TPR: variants seen among roughly 807,000 people sequenced by gnomAD.
TPR encodes the protein nucleoprotein TPR.
In TPR, 51 loss-of-function variants were observed where a neutral mutation model predicts 316.1. The ratio of observed to expected loss-of-function variants is 0.16; its 90% CI spans 0.13 to 0.20. The LOEUF is 0.20. Among genes scored for constraint, TPR ranks in the 10% least tolerant of loss-of-function variants. The probability of loss-of-function intolerance (pLI) is 1.00; values close to 1 mark genes in which losing one functional copy is unlikely to be tolerated. For synonymous variants in TPR, 981 were observed against 914.7 expected, an observed-to-expected ratio of 1.07 and a Z score of -1.31; for missense variants, 2,272 against 2,754.8, an observed-to-expected ratio of 0.82 and a Z score of 3.92.
At position 186,311,875 on chromosome 1, in the gene TPR, A is replaced by T; in HGVS notation, c.*2096T>A. ...TGCATGTCATCCTTGCACAAGGGCC[A>T]TGCTAATCTCTGTATCATTCCAGTT... On this transcript the variant is annotated 3_prime_UTR_variant, in exon 51 of 51. Transcript: ENST00000367478. 1.8e-6 allele frequency: 1 copy of T among 556,624 alleles called. No individual in the cohort carries two copies. The highest frequency in any genetic ancestry group is 2.1e-5 in the South Asian group (1 of 46,694). 34.5% of individuals were successfully genotyped at this position (556,624 alleles called of 1,614,324 possible).
chr1:186,349,715 A>G (rs925305013), intron 21 of TPR, among the ~76,000 whole-genome samples: 3 of 151,904 alleles, frequency 2.0e-5, no homozygotes, highest in Non-Finnish European at 4.4e-5. Context: ...GATTATCAAG[A>G]CACAAAGGCT....
intron 2 of TPR, among the ~76,000 whole-genome samples, chr1:186,372,592 T>C (rs892784579): frequency 6.6e-6 from 1 of 151,856 alleles, no homozygotes; most frequent in Non-Finnish European, 1.5e-5. Context: ...AGATCTTTCC[T>C]AATGTTCTGA....
At chr1:186,345,407 T>C (rs962243971) in intron 24 of TPR, among the ~76,000 whole-genome samples, 173 bp downstream of exon 24, 7 of 152,214 alleles carry the variant, frequency 4.6e-5, no homozygotes, top group African/African-American at 1.7e-4. Flanking sequence ...TTGCCCTATG[T>C]ATTTATTTTT....
At chr1:186,345,825 T>C (rs560180889) in intron 23 of TPR, 129 bp from the exon 24 acceptor site, 1 of 686,640 alleles carries the variant, frequency 1.5e-6, no homozygotes, top group Admixed American at 2.9e-5. Flanking sequence ...TGCTGCTAAA[T>C]TTAAAATGTT....
At position 186,332,248 on chromosome 1, in the gene TPR, C is replaced by T. The variant is rs1174212120; in HGVS notation, c.5551G>A (p.Val1851Met). The change falls in exon 38 of 51, where the codon GTG becomes ATG. Residue 1851 changes from valine (V) to methionine (M), a missense_variant. Physicochemically the swap from Val to Met is conservative, Grantham distance 21. Around this residue, in one of 10 missense-constraint regions of TPR, gnomAD observed 435 missense variants for 461.1 expected, o/e 0.94. Transcript: ENST00000367478. ...AACTTCTTTGGAAGAGGCATTTCCA[C>T]TGTATCATCAGAGACTTGGTCTGAT... The part of the protein sequence containing the change: ...EASDQVSDDT[V>M]EMPLPKKLKS... The T allele has an allele frequency of 1.2e-6, 2 of 1,612,634 alleles. No homozygotes were observed. Among genetic ancestry groups the T allele is most frequent in the African/African-American group, 1.3e-5 (1 of 74,994 alleles).
chr1:186,363,239 A>T, intron 5 of TPR, 103 bp downstream of exon 5: 1 of 1,088,068 alleles, frequency 9.2e-7, no homozygotes, highest in Non-Finnish European at 1.3e-6. Context: ...AAACAAAACA[A>T]AATGCAGCTT....
chr1:186,359,647 G>C (rs1659123579), intron 12 of TPR, 152 bp downstream of exon 12: 4 of 687,554 alleles, frequency 5.8e-6, no homozygotes, highest in Non-Finnish European at 9.0e-6. Context: ...ATGACGTTTT[G>C]AGATCAGCAG....
chr1:186,350,441 G>A (rs1387406154), intron 20 of TPR, 53 bp from the exon 21 acceptor site: 1 of 1,316,932 alleles, frequency 7.6e-7, no homozygotes, highest in South Asian at 1.6e-5. Context: ...GTAACTAAAG[G>A]TTCAAACTAT....
At chr1:186,346,778 T>C (rs1018014122) in intron 22 of TPR, among the ~76,000 whole-genome samples, 1 of 152,304 alleles carries the variant, frequency 6.6e-6, no homozygotes, top group Admixed American at 6.5e-5. Context: ...AAAAAATCAA[T>C]GGCTCTTAAT....
intron 43 of TPR, 56 bp from the exon 44 acceptor site, chr1:186,322,642 A>C: frequency 6.5e-7 from 1 of 1,541,750 alleles, no homozygotes; most frequent in Non-Finnish European, 9.0e-7. Flanking sequence ...CAATGAAACA[A>C]ACACCAAATA....
At position 186,334,176 on chromosome 1, in the gene TPR, G is replaced by A. The variant is rs1356657559; in HGVS notation, c.5182+149C>T. The A allele has an allele frequency of 8.6e-6, 7 of 817,836 alleles. 1 individual carries two copies. Among genetic ancestry groups the A allele is most frequent in the Non-Finnish European group, 1.2e-5 (7 of 560,182 alleles). 50.7% of individuals were successfully genotyped at this position (817,836 alleles called of 1,614,324 possible). On this transcript the variant is annotated intron_variant, in intron 36 of 50. Transcript: ENST00000367478. Reference sequence around the variant, plus strand: ...ATTACAAGTGAAAATTTTGGTCCTAGAAGTATGTCCTTCAAATATTAAACA... The same window carrying A: ...ATTACAAGTGAAAATTTTGGTCCTAAAAGTATGTCCTTCAAATATTAAACA...
chr1:186,312,687 T>C lies in TPR; in HGVS notation c.*1284A>G, dbSNP rs548274907. 6.8e-6 allele frequency: 10 copies of C among 1,462,616 alleles called. No homozygotes were observed. The African/African-American group carries it at 1.4e-4, about 20-fold the overall frequency. The allele number at this position is 1,462,616 out of a possible 1,614,324, so 90.6% of individuals were successfully genotyped here. A position where few individuals can be genotyped will look rare whatever the true frequency, so the allele number is the denominator to read the frequency against. On this transcript the variant is annotated 3_prime_UTR_variant, in exon 51 of 51. Transcript: ENST00000367478. ...CTACATCAGAGGGCTAAAACTGAGATTAAAACTCAGATGTCTGGCTCTTTC... is the reference window on the plus strand; with the variant it reads ...CTACATCAGAGGGCTAAAACTGAGACTAAAACTCAGATGTCTGGCTCTTTC...
chr1:186,337,181 C>A (rs1352605257), intron 31 of TPR, 25 bp from the exon 32 acceptor site: 1 of 1,598,314 alleles, frequency 6.3e-7, no homozygotes, highest in Non-Finnish European at 8.5e-7. Context: ...AGTAATAATA[C>A]ACTCACATAT....
At chr1:186,323,028 A>G (rs1657813316) in intron 43 of TPR, among the ~76,000 whole-genome samples, 1 of 152,182 alleles carries the variant, frequency 6.6e-6, no homozygotes, top group South Asian at 2.1e-4. Flanking sequence ...TTAAGACTTT[A>G]TATTTTCCCA....
At position 186,335,006 on chromosome 1, in the gene TPR, T is replaced by C; in HGVS notation, c.4973+62A>G. On this transcript the variant is annotated intron_variant, in intron 35 of 50. Transcript: ENST00000367478. ...GATTTCTTTTTCCTAAACAGAAAGA[T>C]CACTAGATATTCCCTGAGCTTTAAA... The C allele has an allele frequency of 2.0e-6, 3 of 1,508,454 alleles. 1 individual carries two copies. Among genetic ancestry groups the C allele is most frequent in the Non-Finnish European group, 1.8e-6 (2 of 1,102,362 alleles). The allele number at this position is 1,508,454 out of a possible 1,614,324, so 93.4% of individuals were successfully genotyped here. A position where few individuals can be genotyped will look rare whatever the true frequency, so the allele number is the denominator to read the frequency against.
chr1:186,337,180 A>G, intron 31 of TPR, 24 bp from the exon 32 acceptor site: 1 of 1,598,958 alleles, frequency 6.3e-7, no homozygotes, highest in Non-Finnish European at 8.5e-7. Flanking sequence ...CAGTAATAAT[A>G]CACTCACATA....
intron 14 of TPR, among the ~76,000 whole-genome samples, chr1:186,357,106 A>G (rs1203765067): frequency 6.6e-6 from 1 of 152,116 alleles, no homozygotes; most frequent in African/African-American, 2.4e-5. Flanking sequence ...AGTGTGGTGC[A>G]TGATCATGCT....
At position 186,362,306 on chromosome 1, in the gene TPR, C is replaced by G; in HGVS notation, c.771G>C (p.Leu257=). The G allele has an allele frequency of 6.2e-7, 1 of 1,612,146 alleles. No homozygotes were observed. Among genetic ancestry groups the G allele is most frequent in the Non-Finnish European group, 8.5e-7 (1 of 1,178,674 alleles). ...TATATACCTCTTTTAATTTGGTCAA[C>G]AGATCCTCCACATGCTTTTGAAGAT... ...NEHLQKHVED[L]LTKLKEAKEQ... is the part of the protein sequence containing the mutation. The change falls in exon 7 of 51, where the codon CTG becomes CTC. Residue 257 remains leucine, a synonymous_variant. Transcript: ENST00000367478.
Position 186,340,880 on chromosome 1 carries a change from G to T in TPR, c.4020+148C>A, listed in dbSNP as rs775061587. The T allele has an allele frequency of 6.4e-6, 6 of 943,408 alleles. No homozygotes were observed. In the East Asian group the frequency reaches 1.1e-4, roughly 17 times the overall value. 58.4% of individuals were successfully genotyped at this position (943,408 alleles called of 1,614,324 possible). Reference sequence around the variant, plus strand: ...GGGTTATAAGTTTAACATCTGTCACGTATTTACATGTATTAATAACATAAT... The same window carrying T: ...GGGTTATAAGTTTAACATCTGTCACTTATTTACATGTATTAATAACATAAT... On this transcript the variant is annotated intron_variant, in intron 29 of 50. Transcript: ENST00000367478.
Sources: allele counts gnomAD v4.1 joint callset (sites outside exome capture counted in the v4.1 genomes callset), GRCh38; gene constraint gnomAD v4.1.1; regional missense constraint gnomAD v4.1.1; transcripts MANE v1.5; gene names NCBI Gene and HGNC (gene_info 2026-07-23, HGNC 2026-07-21).